The following PCDHGB3 variants were observed in gnomAD, a reference collection of about 807,000 sequenced individuals.
PCDHGB3 encodes the protein protocadherin gamma-B3.
A neutral mutation model predicts 59.2 loss-of-function variants in PCDHGB3; 40 were observed. That is an observed-to-expected ratio of 0.68 (90% CI 0.52 to 0.88). The LOEUF is 0.88. Ranked by LOEUF, PCDHGB3 falls within the 40% of genes least tolerant of loss-of-function variation. PCDHGB3 has a pLI of 0.00. For synonymous variants in PCDHGB3, 581 were observed against 503.6 expected, an observed-to-expected ratio of 1.15 and a Z score of -2.06; for missense variants, 1,309 against 1,187.9, an observed-to-expected ratio of 1.10 and a Z score of -1.50.
At chr5:141,417,690 A>T in intron 1 of PCDHGB3, 1 of 1,077,126 alleles carries the variant, frequency 9.3e-7, no homozygotes, top group East Asian at 2.6e-5. Context: ...AGAAAAGAAA[A>T]CCAGCTCCCA....
Position 141,490,051 on chromosome 5 carries a change from G to C in PCDHGB3, c.2416-4756G>C, listed in dbSNP as rs779280988. 1 of 1,614,214 alleles carries C rather than the reference G, an allele frequency of 6.2e-7. No individual in the cohort carries two copies. The highest frequency in any genetic ancestry group is 1.1e-5 in the South Asian group (1 of 91,082). On this transcript the variant is annotated intron_variant, in intron 1 of 3. Coordinates refer to ENST00000576222, the MANE Select transcript of PCDHGB3 (RefSeq NM_018924.5). The surrounding 1 kb of genome is among the most constrained non-coding windows in gnomAD (Gnocchi z 5.4). Reference sequence around the variant, plus strand: ...CCGCCTCAATGCCACTGATCCAGACGAGGGCACCAACGGCCAACTAGACTA... The same window carrying C: ...CCGCCTCAATGCCACTGATCCAGACCAGGGCACCAACGGCCAACTAGACTA...
chr5:141,428,304 G>C, intron 1 of PCDHGB3: 1 of 695,706 alleles, frequency 1.4e-6, no homozygotes, highest in South Asian at 1.6e-5. Flanking sequence ...AGATTTACCT[G>C]GTCGTGGCCT....
chr5:141,456,275 G>A (rs1234663731), intron 1 of PCDHGB3, among the ~76,000 whole-genome samples: 1 of 152,142 alleles, frequency 6.6e-6, no homozygotes, highest in Non-Finnish European at 1.5e-5. Flanking sequence ...GCTACTTCCT[G>A]CTGAAAAGGG....
intron 1 of PCDHGB3, chr5:141,415,791 C>CTTT: frequency 1.5e-6 from 2 of 1,341,938 alleles, no homozygotes; most frequent in Non-Finnish European, 1.9e-6. Flanking sequence ...GTAAAATTCA[C>CTTT]CTAGTCTCAA....
chr5:141,398,105 G>A (rs778559832), intron 1 of PCDHGB3: 2 of 1,595,534 alleles, frequency 1.3e-6, no homozygotes, highest in East Asian at 4.5e-5. Context: ...AGGCTGGTGA[G>A]CAAGCTGAGG....
intron 1 of PCDHGB3, chr5:141,417,858 C>T (rs561149517): frequency 6.5e-7 from 1 of 1,547,240 alleles, no homozygotes. Flanking sequence ...CCCGAGCGAA[C>T]GATGGGAGGG....
chr5:141,431,736 G>T lies in PCDHGB3; in HGVS notation c.2415+58927G>T. On this transcript the variant is annotated intron_variant, in intron 1 of 3. Transcript: ENST00000576222. The surrounding 1 kb of genome is among the most constrained non-coding windows in gnomAD (Gnocchi z 4.8). ...GAAGTGCAAGCAATGGATAATGCAG[G>T]ATATTCTGCGCGAGCCAAAGTCCTG... 1 of 1,614,218 alleles carries T rather than the reference G, an allele frequency of 6.2e-7. No individual in the cohort carries two copies. The highest frequency in any genetic ancestry group is 8.5e-7 in the Non-Finnish European group (1 of 1,180,046).
At chr5:141,386,978 T>C (rs1267866332) in intron 1 of PCDHGB3, among the ~76,000 whole-genome samples, 1 of 152,172 alleles carries the variant, frequency 6.6e-6, no homozygotes, top group Non-Finnish European at 1.5e-5. Flanking sequence ...GACTTTGTGT[T>C]TTGAGGCTAT....
At chr5:141,422,871 G>C in intron 1 of PCDHGB3, 3 of 1,614,216 alleles carry the variant, frequency 1.9e-6, no homozygotes, top group South Asian at 1.1e-5. Flanking sequence ...GCAACGTGTC[G>C]CTGAGCCTGT....
At chr5:141,430,909 G>A (rs1054175762) in intron 1 of PCDHGB3, 2 of 1,607,160 alleles carry the variant, frequency 1.2e-6, no homozygotes, top group Non-Finnish European at 1.7e-6. Context: ...ACATCTCCAG[G>A]GACCTGGGGC....
chr5:141,431,442 TCC>T lies in PCDHGB3; in HGVS notation c.2415+58634_2415+58635del. ...CCGGTGCGCACAGGCACCGCGCGCATCCGCGTGATGGTTCTGGATGCGAACGA... is the reference window on the plus strand; with the variant it reads ...CCGGTGCGCACAGGCACCGCGCGCATGCGTGATGGTTCTGGATGCGAACGA... On this transcript the variant is annotated intron_variant, in intron 1 of 3. Transcript: ENST00000576222. This position sits in a 1 kb window ranked among gnomAD's most constrained non-coding sequence, Gnocchi z 4.8. 1 of 1,613,746 alleles carries T rather than the reference TCC, an allele frequency of 6.2e-7. No homozygotes were observed. The highest frequency in any genetic ancestry group is 1.3e-5 in the African/African-American group (1 of 75,074).
chr5:141,394,997 C>T lies in PCDHGB3; in HGVS notation c.2415+22188C>T, dbSNP rs771459458. On this transcript the variant is annotated intron_variant, in intron 1 of 3. Coordinates refer to ENST00000576222, the MANE Select transcript of PCDHGB3 (RefSeq NM_018924.5). ...ACAAGTCACGCCTGCTCCAGGATTC[C>T]GGTGGCAGATTGGTAGGCGTGCCTG... 3.4e-5 allele frequency: 55 copies of T among 1,613,898 alleles called. No individual in the cohort carries two copies. In the East Asian group the frequency reaches 1.1e-3, roughly 32 times the overall value.
In PCDHGB3 at chr5:141,489,071, CA is replaced by C; in HGVS notation, c.2416-5735del. 3.1e-6 allele frequency: 1 copy of C among 326,700 alleles called. No homozygotes were observed. Among genetic ancestry groups the C allele is most frequent in the East Asian group, 5.9e-5 (1 of 17,012 alleles). 20.2% of individuals were successfully genotyped at this position (326,700 alleles called of 1,614,324 possible). A position where few individuals can be genotyped will look rare whatever the true frequency, so the allele number is the denominator to read the frequency against. On this transcript the variant is annotated intron_variant, in intron 1 of 3. Transcript: ENST00000576222. This position sits in a 1 kb window ranked among gnomAD's most constrained non-coding sequence, Gnocchi z 4.5. Reference sequence around the variant, plus strand: ...AAATTCAGCTCCCCTCCCCCCTGCCCACCCCCGCCACTCGGTGACTAAGAAC... The same window carrying C: ...AAATTCAGCTCCCCTCCCCCCTGCCCCCCCCGCCACTCGGTGACTAAGAAC...
At position 141,486,218 on chromosome 5, in the gene PCDHGB3, T is replaced by A. The variant is rs1467104398; in HGVS notation, c.2416-8589T>A. The A allele has an allele frequency of 2.5e-6, 4 of 1,614,004 alleles. No homozygotes were observed. The African/African-American group carries it at 5.3e-5, about 22-fold the overall frequency. On this transcript the variant is annotated intron_variant, in intron 1 of 3. Transcript: ENST00000576222. The surrounding 1 kb of genome is among the most constrained non-coding windows in gnomAD (Gnocchi z 5.0). ...GCTGGACGTAAATGACAATGCCCCT[T>A]ACATCACAGTGACCTCAGAGCTTGG...
intron 1 of PCDHGB3, chr5:141,379,705 C>T (rs1775757725): frequency 6.6e-6 from 1 of 152,118 alleles, no homozygotes; most frequent in South Asian, 2.1e-4. Context: ...GTTAAACATC[C>T]TGGCAGTCAT....
chr5:141,472,979 T>TAAAA (rs2099307936), intron 1 of PCDHGB3, among the ~76,000 whole-genome samples: 1 of 21,094 alleles, frequency 4.7e-5, no homozygotes, highest in Non-Finnish European at 9.8e-5. Context: ...AGAGTGAAAC[T>TAAAA]CAAAAAAAAA....
rs2099410057 is a variant in PCDHGB3, at chr5:141,477,370, G to C, written c.2416-17437G>C. The C allele has an allele frequency of 6.2e-7, 1 of 1,614,054 alleles. No homozygotes were observed. On this transcript the variant is annotated intron_variant, in intron 1 of 3. Coordinates refer to ENST00000576222, the MANE Select transcript of PCDHGB3 (RefSeq NM_018924.5). This position sits in a 1 kb window ranked among gnomAD's most constrained non-coding sequence, Gnocchi z 4.9. The stretch of plus-strand genomic sequence containing the variant: ...AAACCAGTGCAGACCTGGATCGGGA[G>C]ACTGTGCCAGAATACAACCTCAGCA...
intron 3 of PCDHGB3, 118 bp downstream of exon 3, chr5:141,505,599 G>A (rs936757644): frequency 1.5e-5 from 23 of 1,555,468 alleles, no homozygotes; most frequent in South Asian, 2.4e-5. Flanking sequence ...CAGATCTTTC[G>A]GCAGGTCTGA....
At position 141,403,235 on chromosome 5, in the gene PCDHGB3, C is replaced by T. The variant is rs757212212; in HGVS notation, c.2415+30426C>T. The T allele has an allele frequency of 2.9e-5, 47 of 1,613,842 alleles. No individual in the cohort carries two copies. In the Admixed American group the frequency reaches 7.7e-4, roughly 26 times the overall value. ...CGCGGGTAGGATAGACCGGGAGGAGCTCTGTGCTCAGAGCCCGCGGTGTCT... is the reference window on the plus strand; with the variant it reads ...CGCGGGTAGGATAGACCGGGAGGAGTTCTGTGCTCAGAGCCCGCGGTGTCT... On this transcript the variant is annotated intron_variant, in intron 1 of 3. Transcript: ENST00000576222.
Sources: allele counts gnomAD v4.1 joint callset (sites outside exome capture counted in the v4.1 genomes callset), GRCh38; gene constraint gnomAD v4.1.1; non-coding constraint Gnocchi (gnomAD v3.1); transcripts MANE v1.5; gene names NCBI Gene and HGNC (gene_info 2026-07-23, HGNC 2026-07-21).